Variants in AGBL4 observed in about 807,000 individuals in gnomAD.
AGBL4 encodes AGBL carboxypeptidase 4.
A neutral mutation model predicts 66.4 loss-of-function variants in AGBL4; 58 were observed. That is an observed-to-expected ratio of 0.87 (90% CI 0.71 to 1.09). The LOEUF is 1.09. AGBL4 is among the 50% of genes least tolerant of loss of function. AGBL4 has a pLI of 0.00. For synonymous variants in AGBL4, 234 were observed against 222.9 expected (o/e 1.05, Z -0.44); for missense variants, 579 against 631.0 (o/e 0.92, Z 0.88).
At chr1:49,881,707 G>A (rs1205365960) in intron 1 of AGBL4, among the ~76,000 whole-genome samples, 7 of 150,780 alleles carry the variant, frequency 4.6e-5, no homozygotes, top group African/African-American at 1.7e-4. Flanking sequence ...GTCTGTTCAT[G>A]TCCCTCGCCC....
chr1:49,962,918 G>A (rs1450564476), intron 1 of AGBL4, among the ~76,000 whole-genome samples: 2 of 152,082 alleles, frequency 1.3e-5, no homozygotes, highest in Non-Finnish European at 2.9e-5. Flanking sequence ...AGTAGTTATT[G>A]GTTGAGACAA....
chr1:48,759,531 C>T (rs902567406), intron 6 of AGBL4, among the ~76,000 whole-genome samples: 1 of 152,230 alleles, frequency 6.6e-6, no homozygotes, highest in African/African-American at 2.4e-5. Context: ...ACTGGTTTCC[C>T]AGGCCTGCAC....
At chr1:48,775,925 G>A (rs1934380) in intron 6 of AGBL4, among the ~76,000 whole-genome samples, 8,790 of 152,254 alleles carry the variant, frequency 0.058, 400 homozygotes, top group East Asian at 0.16. Flanking sequence ...AGAAAGGGGT[G>A]TGGAGGCTGA....
chr1:49,726,192 G>C (rs1192125968), intron 2 of AGBL4, among the ~76,000 whole-genome samples: 1 of 152,096 alleles, frequency 6.6e-6, no homozygotes, highest in Non-Finnish European at 1.5e-5. Context: ...AGAGAAGATA[G>C]AATTCTAGGC....
chr1:49,572,526 T>A (rs569359370), intron 3 of AGBL4, among the ~76,000 whole-genome samples: 3 of 152,344 alleles, frequency 2.0e-5, no homozygotes, highest in East Asian at 1.9e-4. Flanking sequence ...TCACTGATTT[T>A]AAAATTTTTT....
chr1:49,936,962 A>G (rs2148280870), intron 1 of AGBL4, among the ~76,000 whole-genome samples: 1 of 152,328 alleles, frequency 6.6e-6, no homozygotes, highest in East Asian at 1.9e-4. Context: ...TAACATCATC[A>G]TGACAGGATC....
chr1:48,531,861 G>A (rs189431050), downstream of AGBL4, among the ~76,000 whole-genome samples: 1 of 152,198 alleles, frequency 6.6e-6, no homozygotes, highest in Admixed American at 6.5e-5. Flanking sequence ...TTGGCTCACT[G>A]CAACCTTCAC....
chr1:48,581,120 C>T (rs1031363411), intron 11 of AGBL4, among the ~76,000 whole-genome samples: 3 of 152,200 alleles, frequency 2.0e-5, no homozygotes, highest in African/African-American at 7.2e-5. Flanking sequence ...CCCCTCAAAA[C>T]TGTCTTCATC....
At chr1:49,044,341 C>G (rs754099634) in intron 5 of AGBL4, among the ~76,000 whole-genome samples, 1 of 151,872 alleles carries the variant, frequency 6.6e-6, no homozygotes, top group Non-Finnish European at 1.5e-5. Context: ...AATAAAAATA[C>G]AAAAATTAGC....
At chr1:49,830,251 T>G (rs1228170087) in intron 2 of AGBL4, among the ~76,000 whole-genome samples, 1 of 152,216 alleles carries the variant, frequency 6.6e-6, no homozygotes, top group Admixed American at 6.5e-5. Context: ...AAAGTGTTCC[T>G]ATTTCTCCGC....
At chr1:49,173,877 A>G (rs2148169974) in intron 4 of AGBL4, among the ~76,000 whole-genome samples, 1 of 152,278 alleles carries the variant, frequency 6.6e-6, no homozygotes, top group South Asian at 2.1e-4. Flanking sequence ...TCAGAAGAAC[A>G]TGCAGTTTCA....
intron 3 of AGBL4, among the ~76,000 whole-genome samples, chr1:49,578,918 A>G (rs1465102616): frequency 1.3e-5 from 2 of 152,210 alleles, no homozygotes; most frequent in Non-Finnish European, 2.9e-5. Flanking sequence ...TGTTGCCAAA[A>G]GAGATTAACA....
intron 2 of AGBL4, among the ~76,000 whole-genome samples, chr1:49,782,281 A>AT (rs775087400): frequency 2.6e-5 from 4 of 152,132 alleles, no homozygotes; most frequent in Non-Finnish European, 5.9e-5. Flanking sequence ...AAGATGAGGC[A>AT]TCACTAACAA....
intron 4 of AGBL4, among the ~76,000 whole-genome samples, chr1:49,211,406 G>T (rs1051833786): frequency 1.3e-5 from 2 of 152,082 alleles, no homozygotes; most frequent in East Asian, 3.9e-4. Context: ...CACTAGTTTT[G>T]TCAACAGGAT....
intron 5 of AGBL4, among the ~76,000 whole-genome samples, chr1:48,915,980 G>A (rs1489349527): frequency 6.6e-6 from 1 of 152,194 alleles, no homozygotes; most frequent in Non-Finnish European, 1.5e-5. Flanking sequence ...ATGCTGTTGG[G>A]CCTAGCTGCC....
At chr1:49,670,873 A>C (rs1646461806) in intron 3 of AGBL4, among the ~76,000 whole-genome samples, 1 of 152,178 alleles carries the variant, frequency 6.6e-6, no homozygotes, top group Non-Finnish European at 1.5e-5. Flanking sequence ...GAAACAAATA[A>C]ATCTATCATC....
chr1:49,819,217 A>C (rs1438818603), intron 2 of AGBL4, among the ~76,000 whole-genome samples: 2 of 152,320 alleles, frequency 1.3e-5, no homozygotes, highest in South Asian at 2.1e-4. Context: ...GCCATATGAC[A>C]CATTTTGTCC....
intron 3 of AGBL4, among the ~76,000 whole-genome samples, chr1:49,579,039 G>A (rs1387753565): frequency 6.6e-6 from 1 of 152,034 alleles, no homozygotes; most frequent in Non-Finnish European, 1.5e-5. Flanking sequence ...GGAGAGAAAG[G>A]CCTAGCCTCC....
At chr1:49,650,370 C>T (rs1292834205) in intron 3 of AGBL4, among the ~76,000 whole-genome samples, 1 of 152,196 alleles carries the variant, frequency 6.6e-6, no homozygotes, top group African/African-American at 2.4e-5. Context: ...GCTCCCCTCA[C>T]CGCTGTGACA....
Sources: gnomAD v4.1 joint callset for allele counts (sites outside exome capture counted in the v4.1 genomes callset) on GRCh38, gnomAD v4.1.1 for gene constraint, MANE v1.5 for transcripts, NCBI Gene and HGNC (gene_info 2026-07-23, HGNC 2026-07-21) for gene names.